Variants in C6orf89 observed in about 807,000 individuals in gnomAD.
C6orf89 encodes chromosome 6 open reading frame 89.
A neutral mutation model predicts 40.7 loss-of-function variants in C6orf89; 29 were observed. The observed-to-expected ratio is 0.71, with a 90% CI of 0.53 to 0.97. The LOEUF (loss-of-function observed/expected upper bound fraction) is 0.97, where lower values mean the gene tolerates loss of function less well. Ranked by LOEUF, C6orf89 falls within the 50% of genes least tolerant of loss-of-function variation. The pLI is 0.00. For missense variants in C6orf89, 392 were observed against 429.1 expected (o/e 0.91, Z 0.76); for synonymous variants, 165 against 152.2 (o/e 1.08, Z -0.62).
At chr6:36,893,071 A>G (rs1761279282) in intron 1 of C6orf89, among the ~76,000 whole-genome samples, 1 of 151,884 alleles carries the variant, frequency 6.6e-6, no homozygotes, top group African/African-American at 2.4e-5. Context: ...AGTAGCTGGG[A>G]TTACAGGCCT....
intron 4 of C6orf89, among the ~76,000 whole-genome samples, chr6:36,913,192 G>C (rs1026809904): frequency 2.0e-5 from 3 of 152,178 alleles, no homozygotes; most frequent in Non-Finnish European, 4.4e-5. Context: ...GCAGAAACAA[G>C]AGCCCCTCAG....
intron 4 of C6orf89, among the ~76,000 whole-genome samples, chr6:36,912,523 A>G (rs752663435): frequency 1.3e-5 from 2 of 152,246 alleles, no homozygotes; most frequent in Non-Finnish European, 2.9e-5. Flanking sequence ...ACACTGAATA[A>G]GAAGCATTTG....
intron 3 of C6orf89, 128 bp from the exon 4 acceptor site, chr6:36,902,093 T>C: frequency 1.3e-6 from 1 of 749,054 alleles, no homozygotes; most frequent in South Asian, 1.8e-5. Context: ...AGTGGCTTGT[T>C]TATGAAAATG....
Position 36,911,933 on chromosome 6 carries a change from C to A in C6orf89, c.404-2351C>A, listed in dbSNP as rs113723632. 3.0e-4 allele frequency among the ~76,000 whole-genome samples: 41 copies of A among 136,542 alleles called. 3 individuals are homozygous for A. The highest frequency in any genetic ancestry group is 4.2e-4 in the Non-Finnish European group (27 of 63,838). The allele number at this position is 136,542 out of a possible 152,430, so 89.6% of individuals were successfully genotyped here. A position where few individuals can be genotyped will look rare whatever the true frequency, so the allele number is the denominator to read the frequency against. On this transcript the variant is annotated intron_variant, in intron 4 of 8. Transcript: ENST00000480824. ...ATTTCACTTCTCATCACAGTGAACC[C>A]CCCCCCCCCGACCTTTTCCCTAAAA...
In C6orf89 at chr6:36,911,769, C is replaced by T. The variant is rs995801526; in HGVS notation, c.404-2515C>T. On this transcript the variant is annotated intron_variant, in intron 4 of 8. Transcript: ENST00000480824. ...TAATGACATAGGTGATACCAGAGAT[C>T]TGCAGGTTTATTATGACACTGACCA... 1.5e-4 allele frequency among the ~76,000 whole-genome samples: 23 copies of T among 152,226 alleles called. 1 individual carries two copies. The highest frequency in any genetic ancestry group is 1.3e-4 in the Admixed American group (2 of 15,286).
chr6:36,903,085 G>C (rs965561197), intron 4 of C6orf89, among the ~76,000 whole-genome samples: 2 of 152,140 alleles, frequency 1.3e-5, no homozygotes, highest in Non-Finnish European at 2.9e-5. Flanking sequence ...TGTAATAAGA[G>C]TTGAAATTTA....
At position 36,902,403 on chromosome 6, in the gene C6orf89, G is replaced by A. The variant is rs763307590; in HGVS notation, c.372G>A (p.Leu124=). The A allele has an allele frequency of 6.2e-7, 1 of 1,614,194 alleles. No homozygotes were observed. The highest frequency in any genetic ancestry group is 1.1e-5 in the South Asian group (1 of 91,080). Residue 124 remains leucine, a synonymous_variant, in exon 4 of 9, where the codon CTG becomes CTA. Coordinates refer to ENST00000480824, the MANE Select transcript of C6orf89 (RefSeq NM_001286635.2). ...KYMSENKGVP[L]HGGDEDRPFP... The stretch of plus-strand genomic sequence containing the variant: ...TGTCAGAAAATAAGGGAGTTCCTCT[G>A]CATGGGGGTGATGAAGACAGACCCT...
intron 6 of C6orf89, 28 bp from the exon 7 acceptor site, chr6:36,916,417 A>C (rs750124003): frequency 1.2e-6 from 2 of 1,612,710 alleles, no homozygotes. Flanking sequence ...CAGTTTAATT[A>C]CTTTTTTTCT....
chr6:36,891,155 C>T (rs530215507), intron 1 of C6orf89, among the ~76,000 whole-genome samples: 2 of 152,274 alleles, frequency 1.3e-5, no homozygotes, highest in Admixed American at 1.3e-4. Flanking sequence ...TCCCCTACCC[C>T]ACTACAGGCC....
At chr6:36,915,998 T>C (rs1762301816) in intron 6 of C6orf89, among the ~76,000 whole-genome samples, 1 of 152,226 alleles carries the variant, frequency 6.6e-6, no homozygotes, top group African/African-American at 2.4e-5. Flanking sequence ...GCTGTTTGTT[T>C]GCGTGCTAGA....
At chr6:36,893,444 A>G (rs934752767) in intron 1 of C6orf89, among the ~76,000 whole-genome samples, 2 of 152,346 alleles carry the variant, frequency 1.3e-5, no homozygotes, top group South Asian at 2.1e-4. Flanking sequence ...TAGAAACGTC[A>G]CTAAGTTGCT....
intron 6 of C6orf89, among the ~76,000 whole-genome samples, chr6:36,915,732 G>A (rs921124673): frequency 1.3e-5 from 2 of 151,638 alleles, no homozygotes; most frequent in Non-Finnish European, 2.9e-5. Context: ...GGGGGAGGGG[G>A]AAAGAAAGAA....
chr6:36,884,189 G>A (rs969406848), upstream of C6orf89, among the ~76,000 whole-genome samples: 1 of 152,180 alleles, frequency 6.6e-6, no homozygotes, highest in African/African-American at 2.4e-5. This position sits in a 1 kb window ranked among gnomAD's most constrained non-coding sequence, Gnocchi z 4.0. Flanking sequence ...TTGAACCTAG[G>A]AGGTGGAGGT....
intron 6 of C6orf89, among the ~76,000 whole-genome samples, chr6:36,915,940 T>C (rs1314616463): frequency 6.6e-6 from 1 of 152,190 alleles, no homozygotes; most frequent in Non-Finnish European, 1.5e-5. Flanking sequence ...AAATGACTTT[T>C]TCAGGCTTTT....
rs1249969859 is a variant in C6orf89, at chr6:36,876,739, A to G, written c.-627-2269A>G. Among the ~76,000 whole-genome samples the G allele has an allele frequency of 5.2e-3, 659 of 125,580 alleles. 6 individuals are homozygous for G. The highest frequency in any genetic ancestry group is 6.6e-3 in the Non-Finnish European group (370 of 55,838). The allele number at this position is 125,580 out of a possible 152,430, so 82.4% of individuals were successfully genotyped here. ...AACTCCATCTCAAAAAAAAAAAAAA[A>G]AAGAAGAAGAAGAAGAAGAAGAAGA... On this transcript the variant is annotated intron_variant, in intron 1 of 9. Transcript: ENST00000359359.
At chr6:36,901,326 T>TA (rs1429510488) in intron 3 of C6orf89, among the ~76,000 whole-genome samples, 2 of 41,090 alleles carry the variant, frequency 4.9e-5, no homozygotes, top group Non-Finnish European at 9.2e-5. Context: ...TTATTATTTT[T>TA]TTTTTTTTTT....
At chr6:36,871,870 A>T (rs1435649266) in exon 1 of C6orf89, 2 of 1,581,494 alleles carry the variant, frequency 1.3e-6, no homozygotes, top group Non-Finnish European at 1.7e-6. Flanking sequence ...AATGATTCCC[A>T]TGCTGCAGAG....
chr6:36,913,041 T>C (rs1430446898), intron 4 of C6orf89, among the ~76,000 whole-genome samples: 1 of 152,244 alleles, frequency 6.6e-6, no homozygotes, highest in Non-Finnish European at 1.5e-5. Context: ...TCTGAAACGT[T>C]TTAGATTCAA....
At chr6:36,872,075 G>T (rs6915283) in intron 1 of C6orf89, 27,430 of 438,706 alleles carry the variant, frequency 0.063, 1,050 homozygotes, top group Middle Eastern at 0.15. Context: ...AAACACGCAG[G>T]TGTTCTGGGT....
Sources: allele counts gnomAD v4.1 joint callset (sites outside exome capture counted in the v4.1 genomes callset), GRCh38; gene constraint gnomAD v4.1.1; non-coding constraint Gnocchi (gnomAD v3.1); transcripts MANE v1.5; gene names NCBI Gene and HGNC (gene_info 2026-07-23, HGNC 2026-07-21).